ANKRD31: variants seen among roughly 807,000 people sequenced by gnomAD.
The protein encoded by ANKRD31 is ankyrin repeat domain 31.
Under a neutral mutation model 186.0 loss-of-function variants are expected in ANKRD31, and 147 were observed. The ratio of observed to expected loss-of-function variants is 0.79; its 90% CI spans 0.69 to 0.91. ANKRD31 has a LOEUF of 0.91. Ranked by LOEUF, ANKRD31 falls within the 40% of genes least tolerant of loss-of-function variation. The probability of loss-of-function intolerance (pLI) is 0.00; values close to 1 mark genes in which losing one functional copy is unlikely to be tolerated. For synonymous variants in ANKRD31, 673 were observed against 736.4 expected, an observed-to-expected ratio of 0.91 and a Z score of 1.39; for missense variants, 1,986 against 2,148.8, an observed-to-expected ratio of 0.92 and a Z score of 1.50.
chr5:75,114,655 C>T (rs1979380), intron 19 of ANKRD31, among the ~76,000 whole-genome samples: 22,474 of 152,040 alleles, frequency 0.15, 1,887 homozygotes, highest in South Asian at 0.38. Flanking sequence ...CTCCCATTCA[C>T]AATTGCTTCA....
chr5:75,125,990 C>T (rs1749223278), intron 17 of ANKRD31, among the ~76,000 whole-genome samples: 1 of 152,224 alleles, frequency 6.6e-6, no homozygotes, highest in South Asian at 2.1e-4. Flanking sequence ...TTCTGCCCCT[C>T]TGCAATCACT....
chr5:75,100,690 T>C (rs1746775942), intron 22 of ANKRD31, among the ~76,000 whole-genome samples: 1 of 152,210 alleles, frequency 6.6e-6, no homozygotes, highest in Non-Finnish European at 1.5e-5. Flanking sequence ...GCCTTCTTTG[T>C]CTCTTTTGAT....
chr5:75,223,921 C>T (rs921265749), intron 2 of ANKRD31, among the ~76,000 whole-genome samples: 2 of 151,956 alleles, frequency 1.3e-5, no homozygotes, highest in Admixed American at 6.6e-5. Flanking sequence ...AGCAATGTAG[C>T]AGCCATCCGC....
intron 4 of ANKRD31, 108 bp from the exon 5 acceptor site, chr5:75,206,595 G>C (rs1756262697): frequency 4.2e-6 from 2 of 479,148 alleles, no homozygotes; most frequent in South Asian, 1.0e-4. Flanking sequence ...TTTCCAAATA[G>C]GATAATTTTT....
chr5:75,102,819 G>A (rs1747013952), intron 22 of ANKRD31, among the ~76,000 whole-genome samples: 1 of 152,146 alleles, frequency 6.6e-6, no homozygotes, highest in Non-Finnish European at 1.5e-5. Context: ...GATTTTCCAG[G>A]TACCTTCTGC....
At chr5:75,219,210 C>A (rs536640265) in intron 3 of ANKRD31, among the ~76,000 whole-genome samples, 52 of 152,278 alleles carry the variant, frequency 3.4e-4, no homozygotes, top group African/African-American at 1.2e-3. Flanking sequence ...TCCCTGTTTG[C>A]AAATGACATG....
At chr5:75,152,388 G>A (rs1391386537) in intron 12 of ANKRD31, among the ~76,000 whole-genome samples, 1 of 152,058 alleles carries the variant, frequency 6.6e-6, no homozygotes, top group Admixed American at 6.6e-5. Context: ...TACAGGACAT[G>A]TAGGGAGGCC....
chr5:75,110,161 G>T (rs1027222517), intron 20 of ANKRD31, among the ~76,000 whole-genome samples: 7 of 152,076 alleles, frequency 4.6e-5, no homozygotes, highest in African/African-American at 1.7e-4. Context: ...TGGGGGTGGT[G>T]GGGAGAAGTT....
rs1406688734 is a variant in ANKRD31, at chr5:75,147,251, G to C, written c.2160C>G (p.Pro720=). 1 of 1,535,946 alleles carries C rather than the reference G, an allele frequency of 6.5e-7. No individual in the cohort carries two copies. Among genetic ancestry groups the C allele is most frequent in the East Asian group, 2.4e-5 (1 of 40,890 alleles). The change falls in exon 14 of 26, where the codon CCC becomes CCG. Residue 720 remains proline, a synonymous_variant. Coordinates refer to ENST00000506364, the MANE Select transcript of ANKRD31 (RefSeq NM_001372053.1). ...RKGNLHNVKD[P]NTNVPKGIGR... ...CTATACCTTTTGGTACGTTTGTGTTGGGATCTTTGACGTTATGGAGATTGC... is the reference window on the plus strand; with the variant it reads ...CTATACCTTTTGGTACGTTTGTGTTCGGATCTTTGACGTTATGGAGATTGC...
intron 11 of ANKRD31, among the ~76,000 whole-genome samples, chr5:75,156,657 TAAGA>T (rs1467582843): frequency 6.6e-6 from 1 of 152,138 alleles, no homozygotes; most frequent in Non-Finnish European, 1.5e-5. Flanking sequence ...CAAGCATCCT[TAAGA>T]AAGAGGCTGA....
Position 75,210,836 on chromosome 5 carries a change from A to G in ANKRD31, c.318T>C (p.Ala106=), listed in dbSNP as rs777572246. 84 of 1,513,132 alleles carry G rather than the reference A, an allele frequency of 5.6e-5. No individual in the cohort carries two copies. Among genetic ancestry groups the G allele is most frequent in the Non-Finnish European group, 6.9e-5 (79 of 1,139,188 alleles). 93.7% of individuals were successfully genotyped at this position (1,513,132 alleles called of 1,614,324 possible). A position where few individuals can be genotyped will look rare whatever the true frequency, so the allele number is the denominator to read the frequency against. The part of the protein sequence containing the change: ...QSQDETERNQ[A]LLQTRKNCSM... ...AAAATTAGTATACTTACTGTAACAGAGCTTGATTTCGTTCTGTTTCATCTT... is the reference window on the plus strand; with the variant it reads ...AAAATTAGTATACTTACTGTAACAGGGCTTGATTTCGTTCTGTTTCATCTT... Residue 106 remains alanine, a synonymous_variant, in exon 4 of 26, where the codon GCT becomes GCC. Transcript: ENST00000506364.
intron 17 of ANKRD31, among the ~76,000 whole-genome samples, chr5:75,133,479 T>C (rs879059127): frequency 6.6e-6 from 1 of 152,278 alleles, no homozygotes; most frequent in South Asian, 2.1e-4. Flanking sequence ...TAAATATATA[T>C]ATGCACCCAA....
chr5:75,102,733 G>A (rs188540601), intron 22 of ANKRD31, among the ~76,000 whole-genome samples: 14 of 152,200 alleles, frequency 9.2e-5, no homozygotes, highest in Non-Finnish European at 1.3e-4. Flanking sequence ...CTCCAAGCCA[G>A]GTGCAGGATA....
chr5:75,169,167 A>C, intron 10 of ANKRD31, 46 bp from the exon 11 acceptor site: 1 of 1,519,926 alleles, frequency 6.6e-7, no homozygotes, highest in Non-Finnish European at 8.8e-7. Context: ...TGGCATCTTA[A>C]TAATGTTTTG....
intron 10 of ANKRD31, among the ~76,000 whole-genome samples, chr5:75,176,519 C>T (rs1294302023): frequency 6.6e-6 from 1 of 152,138 alleles, no homozygotes; most frequent in Non-Finnish European, 1.5e-5. Context: ...TGGCCGGGTA[C>T]TCCTCTGAGA....
intron 23 of ANKRD31, among the ~76,000 whole-genome samples, chr5:75,089,057 G>C (rs1272371839): frequency 6.6e-6 from 1 of 152,096 alleles, no homozygotes; most frequent in Non-Finnish European, 1.5e-5. Flanking sequence ...AGAAGTTATG[G>C]GCTTGGAGTC....
chr5:75,134,386 C>T (rs1202280947), intron 17 of ANKRD31, among the ~76,000 whole-genome samples: 3 of 152,112 alleles, frequency 2.0e-5, no homozygotes, highest in South Asian at 2.1e-4. Flanking sequence ...CTATAAACAC[C>T]TATACGCAAA....
At chr5:75,135,697 C>A (rs1406383858) in intron 17 of ANKRD31, among the ~76,000 whole-genome samples, 2 of 152,124 alleles carry the variant, frequency 1.3e-5, no homozygotes, top group East Asian at 1.9e-4. Flanking sequence ...AAAAAAGAGC[C>A]CGCATAGCCA....
intron 11 of ANKRD31, among the ~76,000 whole-genome samples, chr5:75,164,256 A>G (rs1580461903): frequency 6.6e-6 from 1 of 152,188 alleles, no homozygotes; most frequent in African/African-American, 2.4e-5. Context: ...CCCAGTCAAC[A>G]TCTTGACTAC....
Sources: gnomAD v4.1 joint callset for allele counts (sites outside exome capture counted in the v4.1 genomes callset) on GRCh38, gnomAD v4.1.1 for gene constraint, MANE v1.5 for transcripts, NCBI Gene and HGNC (gene_info 2026-07-23, HGNC 2026-07-21) for gene names.